EYS: variants seen among roughly 807,000 people sequenced by gnomAD.
EYS encodes protein eyes shut homolog.
Under a neutral mutation model 282.1 loss-of-function variants are expected in EYS, and 250 were observed. That is an observed-to-expected ratio of 0.89 (90% CI 0.80 to 0.98). The LOEUF (loss-of-function observed/expected upper bound fraction) is 0.98, where lower values mean the gene tolerates loss of function less well. Ranked by LOEUF, EYS falls within the 50% of genes least tolerant of loss-of-function variation. The pLI, the probability that EYS is intolerant of heterozygous loss-of-function variation, is 0.00. For synonymous variants in EYS, 1,355 were observed against 1,282.9 expected (o/e 1.06, Z -1.20); for missense variants, 4,016 against 3,709.0 (o/e 1.08, Z -2.15).
At chr6:64,159,455 G>A (rs1271477341) in intron 31 of EYS, among the ~76,000 whole-genome samples, 2 of 150,992 alleles carry the variant, frequency 1.3e-5, no homozygotes, top group African/African-American at 2.4e-5. Context: ...AGCTACTCAG[G>A]AGGCTGAAGC....
chr6:65,280,177 T>G (rs1420106481), intron 12 of EYS, among the ~76,000 whole-genome samples: 1 of 152,150 alleles, frequency 6.6e-6, no homozygotes. Flanking sequence ...TAAAATAATG[T>G]TACTAATTTC....
intron 26 of EYS, among the ~76,000 whole-genome samples, chr6:64,506,527 T>A (rs556935618): frequency 4.6e-5 from 7 of 152,194 alleles, no homozygotes; most frequent in Non-Finnish European, 5.9e-5. Context: ...TAATAATTTA[T>A]TAGTCCCTCA....
chr6:64,461,163 C>T (rs1055630551), intron 26 of EYS, among the ~76,000 whole-genome samples: 1 of 152,136 alleles, frequency 6.6e-6, no homozygotes, highest in South Asian at 2.1e-4. Context: ...TTGAGAATAG[C>T]TGCTTGTTGA....
At position 65,399,472 on chromosome 6, in the gene EYS, C is replaced by T. The variant is rs148379037; in HGVS notation, c.1184+3006G>A. ...AGCATAGTAAAATAATTTAGAAATA[C>T]AGACATGAATAAAACACATTCTTCT... On this transcript the variant is annotated intron_variant, in intron 7 of 42. Coordinates refer to ENST00000503581, the MANE Select transcript of EYS (RefSeq NM_001142800.2). Among the ~76,000 whole-genome samples, 227 of 151,944 alleles carry T rather than the reference C, an allele frequency of 1.5e-3. 1 individual carries two copies. The highest frequency in any genetic ancestry group is 5.2e-3 in the African/African-American group (217 of 41,492).
At chr6:63,867,766 T>G (rs1454898034) in intron 35 of EYS, among the ~76,000 whole-genome samples, 1 of 152,194 alleles carries the variant, frequency 6.6e-6, no homozygotes, top group East Asian at 1.9e-4. Context: ...GGGACTCTCC[T>G]GAATGCGTTT....
chr6:63,909,523 G>A (rs1246364877), intron 35 of EYS, among the ~76,000 whole-genome samples: 1 of 152,192 alleles, frequency 6.6e-6, no homozygotes, highest in African/African-American at 2.4e-5. Context: ...CAACCTACTA[G>A]AGGCAATTGT....
At chr6:65,315,575 A>C (rs1319913320) in intron 11 of EYS, among the ~76,000 whole-genome samples, 2 of 150,784 alleles carry the variant, frequency 1.3e-5, no homozygotes, top group Non-Finnish European at 3.0e-5. Flanking sequence ...CTTTTGCTCC[A>C]TATTATGTTT....
chr6:64,462,072 T>C (rs541080572), intron 26 of EYS, among the ~76,000 whole-genome samples: 2 of 152,304 alleles, frequency 1.3e-5, no homozygotes, highest in African/African-American at 4.8e-5. Context: ...TAAAATGCTT[T>C]AAAATGTGTT....
intron 31 of EYS, among the ~76,000 whole-genome samples, chr6:64,157,890 G>A (rs540445093): frequency 3.3e-4 from 51 of 152,278 alleles, no homozygotes; most frequent in African/African-American, 1.2e-3. Flanking sequence ...GTCCCTACTG[G>A]GGCACCACCT....
intron 12 of EYS, among the ~76,000 whole-genome samples, chr6:65,130,636 A>AG (rs894956070): frequency 6.6e-6 from 1 of 151,722 alleles, no homozygotes; most frequent in African/African-American, 2.4e-5. Context: ...ATCAACACAC[A>AG]GGGGGCCTAT....
At position 64,593,250 on chromosome 6, in the gene EYS, G is replaced by C. The variant is rs899139223; in HGVS notation, c.3744C>G (p.Pro1248=). The change falls in exon 25 of 43, where the codon CCC becomes CCG. Residue 1248 remains proline (P), a synonymous_variant. Coordinates refer to ENST00000503581, the MANE Select transcript of EYS (RefSeq NM_001142800.2). ...DEIRRITCLT[P]IFQRTDPIST... ...AAATGGGATCTGTTCTTTGAAAGAT[G>C]GGAGTTAAACAGGTAATTCTCCTTA... 6.4e-7 allele frequency: 1 copy of C among 1,550,546 alleles called. No individual in the cohort carries two copies. The highest frequency in any genetic ancestry group is 2.5e-5 in the East Asian group (1 of 40,812).
chr6:64,007,309 T>A (rs749090515), intron 33 of EYS, among the ~76,000 whole-genome samples: 1 of 151,860 alleles, frequency 6.6e-6, no homozygotes, highest in African/African-American at 2.4e-5. Flanking sequence ...GTCTCTGAGG[T>A]TTTTTGTTTT....
At chr6:64,353,712 A>C (rs1172511820) in intron 29 of EYS, among the ~76,000 whole-genome samples, 1 of 151,632 alleles carries the variant, frequency 6.6e-6, no homozygotes, top group Non-Finnish European at 1.5e-5. Context: ...TGAGAACAAG[A>C]ACTGATGGAA....
intron 40 of EYS, among the ~76,000 whole-genome samples, chr6:63,774,521 G>A (rs190263215): frequency 1.9e-4 from 29 of 152,220 alleles, no homozygotes; most frequent in Non-Finnish European, 3.2e-4. Flanking sequence ...TCAGTCACAG[G>A]TTACTATACA....
intron 31 of EYS, among the ~76,000 whole-genome samples, chr6:64,171,882 G>A (rs148896559): frequency 1.8e-3 from 274 of 152,204 alleles, no homozygotes; most frequent in African/African-American, 5.8e-3. Flanking sequence ...CCTTTCCAGC[G>A]TTCACATCAA....
At chr6:64,969,108 A>G (rs1351626195) in intron 14 of EYS, among the ~76,000 whole-genome samples, 1 of 151,988 alleles carries the variant, frequency 6.6e-6, no homozygotes, top group Non-Finnish European at 1.5e-5. Flanking sequence ...AAAAAATCTC[A>G]TTTCCTAAAA....
intron 29 of EYS, among the ~76,000 whole-genome samples, chr6:64,349,136 G>C (rs112389649): frequency 0.023 from 3,536 of 151,356 alleles, 110 homozygotes; most frequent in African/African-American, 0.073. Flanking sequence ...TATACGCTCA[G>C]TTTTGGTATA....
chr6:64,177,146 A>C (rs1582386292), intron 31 of EYS, among the ~76,000 whole-genome samples: 1 of 151,828 alleles, frequency 6.6e-6, no homozygotes, highest in South Asian at 2.1e-4. Context: ...TATTTTGTTC[A>C]TAATTATCAA....
At chr6:63,836,619 T>C (rs1302968993) in intron 36 of EYS, among the ~76,000 whole-genome samples, 1 of 152,012 alleles carries the variant, frequency 6.6e-6, no homozygotes, top group Non-Finnish European at 1.5e-5. Flanking sequence ...TAAAAAATCA[T>C]ATGGTATGGG....
Sources: gnomAD v4.1 joint callset for allele counts (sites outside exome capture counted in the v4.1 genomes callset) on GRCh38, gnomAD v4.1.1 for gene constraint, MANE v1.5 for transcripts, NCBI Gene and HGNC (gene_info 2026-07-23, HGNC 2026-07-21) for gene names.